The following PFKL variants were observed in gnomAD, a reference collection of about 807,000 sequenced individuals.
PFKL encodes the protein ATP-dependent 6-phosphofructokinase, liver type.
A neutral mutation model predicts 92.1 loss-of-function variants in PFKL; 74 were observed. The ratio of observed to expected loss-of-function variants is 0.80; its 90% CI spans 0.67 to 0.97. The LOEUF is 0.97. PFKL is among the 50% of genes least tolerant of loss of function. PFKL has a pLI of 0.00. For synonymous variants in PFKL, 494 were observed against 456.4 expected (o/e 1.08, Z -1.05); for missense variants, 1,028 against 1,116.6 (o/e 0.92, Z 1.13).
intron 9 of PFKL, 151 bp downstream of exon 9, chr21:44,316,675 T>G (rs2047216488): frequency 1.3e-5 from 8 of 629,504 alleles, no homozygotes; most frequent in South Asian, 1.2e-4. Context: ...GGTGTATGTG[T>G]GGGGGACGCG....
At chr21:44,310,789 C>G (rs2047019336) in intron 2 of PFKL, among the ~76,000 whole-genome samples, 1 of 152,000 alleles carries the variant, frequency 6.6e-6, no homozygotes, top group African/African-American at 2.4e-5. Flanking sequence ...GAGTCACGCC[C>G]CGGGACACAC....
In PFKL at chr21:44,319,401, C is replaced by A. The variant is rs1485804476; in HGVS notation, c.1113C>A (p.Thr371=). The change falls in exon 11 of 22, where the codon ACC becomes ACA. Residue 371 remains threonine (T), a synonymous_variant. Coordinates refer to ENST00000349048, the MANE Select transcript of PFKL (RefSeq NM_002626.6). ...ATGACAAGAGGTTTGACGAGGCCAC[C>A]CAGCTCCGTGGTGGGTAAGCCCCCT... ...AMDDKRFDEA[T]QLRGGSFENN... 9 of 1,613,502 alleles carry A rather than the reference C, an allele frequency of 5.6e-6. No homozygotes were observed. Among genetic ancestry groups the A allele is most frequent in the South Asian group, 1.1e-5 (1 of 91,084 alleles).
intron 7 of PFKL, chr21:44,314,764 A>C (rs921955469): frequency 6.6e-6 from 1 of 152,328 alleles, no homozygotes; most frequent in African/African-American, 2.4e-5. Context: ...GGTGGGGCTC[A>C]ATGGTGGACC....
At chr21:44,314,236 C>T (rs1269939244) in intron 7 of PFKL, 15 of 564,346 alleles carry the variant, frequency 2.7e-5, no homozygotes, top group African/African-American at 3.8e-5. Context: ...GGGCAGGAGG[C>T]GGAGAGGGTC....
chr21:44,307,359 A>G (rs8133730), intron 2 of PFKL: 140,429 of 959,784 alleles, frequency 0.15, 10,583 homozygotes, highest in East Asian at 0.36. Context: ...GCGCTCACAC[A>G]TGTGCACACA....
intron 11 of PFKL, 177 bp from the exon 12 acceptor site, chr21:44,319,907 C>G: frequency 1.6e-6 from 1 of 606,650 alleles, no homozygotes. Flanking sequence ...TGTTGGGGGT[C>G]TCGCACCTTC....
In PFKL at chr21:44,324,846, C is replaced by T; in HGVS notation, c.1816-10C>T. 2 of 1,605,612 alleles carry T rather than the reference C, an allele frequency of 1.2e-6. No homozygotes were observed. Among genetic ancestry groups the T allele is most frequent in the Middle Eastern group, 1.7e-4 (1 of 6,052 alleles). On this transcript the variant is annotated splice_polypyrimidine_tract_variant and intron_variant, in intron 17 of 21. Coordinates refer to ENST00000349048, the MANE Select transcript of PFKL (RefSeq NM_002626.6). ...GTCCTCCGGCTCATCCGTGTCCGCC[C>T]CTCCCGCAGGTCAACGTGGAGCACA...
rs17855402 is a variant in PFKL at position 44,325,219 on chromosome 21, G to C, written c.1944G>C (p.Lys648Asn). ...ACAACCTGTACTCATCAGAGGGCAA[G>C]GGCGTCTTCGACTGCAGGACCAATG... The part of the protein sequence containing the change: ...FLYNLYSSEG[K>N]GVFDCRTNVL... The change falls in exon 19 of 22, where the codon AAG (lysine) becomes AAC (asparagine). Residue 648 changes from lysine (K) to asparagine (N), a missense_variant. Transcript: ENST00000349048. 6.2e-7 allele frequency: 1 copy of C among 1,613,298 alleles called. No homozygotes were observed. The highest frequency in any genetic ancestry group is 8.5e-7 in the Non-Finnish European group (1 of 1,179,834).
At position 44,300,086 on chromosome 21, in the gene PFKL, C is replaced by A. The variant is rs2040722076; in HGVS notation, c.-20C>A. 1 of 1,112,494 alleles carries A rather than the reference C, an allele frequency of 9.0e-7. No homozygotes were observed. The highest frequency in any genetic ancestry group is 1.1e-6 in the Non-Finnish European group (1 of 901,606). 68.9% of individuals were successfully genotyped at this position (1,112,494 alleles called of 1,614,324 possible). A position where few individuals can be genotyped will look rare whatever the true frequency, so the allele number is the denominator to read the frequency against. On this transcript the variant is annotated 5_prime_UTR_variant, in exon 1 of 22. Coordinates refer to ENST00000349048, the MANE Select transcript of PFKL (RefSeq NM_002626.6). ...GCAGGCGGCGGGAGTGCGAGCTGGG[C>A]CCGTGTTTCGGCCGCCGCCATGGCC... is the stretch of plus-strand genomic sequence containing the variant.
chr21:44,311,136 A>G, intron 3 of PFKL, 53 bp downstream of exon 3: 1 of 1,395,616 alleles, frequency 7.2e-7, no homozygotes. Flanking sequence ...AGACAGACAC[A>G]CAGAGACAGA....
At chr21:44,309,076 C>T (rs1374581474) in intron 2 of PFKL, among the ~76,000 whole-genome samples, 1 of 152,056 alleles carries the variant, frequency 6.6e-6, no homozygotes, top group Non-Finnish European at 1.5e-5. Context: ...GCATCCTGAG[C>T]TTGGAGGAGG....
At chr21:44,304,758 C>T (rs1298278854) in intron 1 of PFKL, among the ~76,000 whole-genome samples, 2 of 103,770 alleles carry the variant, frequency 1.9e-5, no homozygotes, top group East Asian at 2.7e-4. Flanking sequence ...CTGGGGGGCT[C>T]GGCTGTCTTT....
intron 20 of PFKL, 46 bp from the exon 21 acceptor site, chr21:44,326,113 G>A (rs960504326): frequency 6.2e-7 from 1 of 1,605,530 alleles, no homozygotes; most frequent in Non-Finnish European, 8.5e-7. Flanking sequence ...TGGCTCCCTG[G>A]GGCAGGGCCT....
At chr21:44,306,813 G>C in intron 2 of PFKL, 59 bp downstream of exon 2, 1 of 1,433,030 alleles carries the variant, frequency 7.0e-7, no homozygotes, top group Non-Finnish European at 9.8e-7. Context: ...GGCGCATGCC[G>C]AGGTGTGTTC....
chr21:44,309,368 C>T (rs1443171039), intron 2 of PFKL, among the ~76,000 whole-genome samples: 2 of 151,868 alleles, frequency 1.3e-5, no homozygotes, highest in African/African-American at 4.8e-5. Flanking sequence ...TGGGTCCAGG[C>T]CTGCAGGGGT....
intron 14 of PFKL, 76 bp from the exon 15 acceptor site, chr21:44,322,886 C>A: frequency 9.2e-7 from 1 of 1,091,834 alleles, no homozygotes; most frequent in South Asian, 1.4e-5. Context: ...AAGGCAATGC[C>A]TTTCTGTGAT....
rs2047470900 is a variant in PFKL at position 44,325,270 on chromosome 21, G to A, written c.1989+6G>A. 5.1e-6 allele frequency: 8 copies of A among 1,568,630 alleles called. No individual in the cohort carries two copies. Among genetic ancestry groups the A allele is most frequent in the African/African-American group, 2.7e-5 (2 of 73,962 alleles). ...TCCTGGGCCACCTGCAGCAGGTGTGGGGCAGGGGTGAGGCTCTGAGAGGCC... is the reference window on the plus strand; with the variant it reads ...TCCTGGGCCACCTGCAGCAGGTGTGAGGCAGGGGTGAGGCTCTGAGAGGCC... On this transcript the variant is annotated splice_donor_region_variant and intron_variant, in intron 19 of 21. Transcript: ENST00000349048.
At chr21:44,302,906 A>G (rs917821977) in intron 1 of PFKL, among the ~76,000 whole-genome samples, 4 of 152,062 alleles carry the variant, frequency 2.6e-5, no homozygotes, top group African/African-American at 7.2e-5. Context: ...AAGGATATCT[A>G]TTTGCACAAT....
intron 1 of PFKL, among the ~76,000 whole-genome samples, chr21:44,303,441 A>AAAAAAAGACTTTATCG: frequency 1.0e-5 from 1 of 97,134 alleles, no homozygotes; most frequent in Admixed American, 1.1e-4. Context: ...ACCAAAAAAA[A>AAAAAAAGACTTTATCG]AAAAAAAAAA....
Sources: gnomAD v4.1 joint callset for allele counts (sites outside exome capture counted in the v4.1 genomes callset) on GRCh38, gnomAD v4.1.1 for gene constraint, MANE v1.5 for transcripts, NCBI Gene and HGNC (gene_info 2026-07-23, HGNC 2026-07-21) for gene names.